ZNF420: variants seen among roughly 807,000 people sequenced by gnomAD.
ZNF420 encodes the protein zinc finger protein 420.
ZNF420 carries 31 observed loss-of-function variants against 44.7 expected under a neutral mutation model. The ratio of observed to expected loss-of-function variants is 0.69; its 90% CI spans 0.52 to 0.94. The LOEUF is 0.94. ZNF420 is among the 40% of genes least tolerant of loss of function. ZNF420 has a pLI of 0.00. For missense variants in ZNF420, 681 were observed against 827.9 expected, an observed-to-expected ratio of 0.82 and a Z score of 2.18; for synonymous variants, 245 against 267.4, an observed-to-expected ratio of 0.92 and a Z score of 0.82.
At chr19:37,126,576 G>C (rs1308759357) in intron 4 of ZNF420, among the ~76,000 whole-genome samples, 11 of 152,162 alleles carry the variant, frequency 7.2e-5, no homozygotes, top group African/African-American at 2.7e-4. Flanking sequence ...TAAAATTACA[G>C]ATCTCCAGGA....
intron 1 of ZNF420, among the ~76,000 whole-genome samples, chr19:37,057,233 G>A (rs532071194): frequency 6.6e-6 from 1 of 152,244 alleles, no homozygotes; most frequent in Non-Finnish European, 1.5e-5. Context: ...AGGGGAAGCA[G>A]TGCGGCATCC....
At chr19:37,100,236 C>T (rs986923297) in intron 4 of ZNF420, among the ~76,000 whole-genome samples, 7 of 152,090 alleles carry the variant, frequency 4.6e-5, no homozygotes, top group African/African-American at 1.2e-4. Flanking sequence ...TGTTCTTGGC[C>T]TTCTTGTTGA....
rs542703896 is a variant in ZNF420 at position 37,114,152 on chromosome 19, G to C, written c.137-12976G>C. ...AATTGCCATGCCTCGGTATCTCCTT[G>C]TTTTCTTGCCTTATCAATAATTTTA... On this transcript the variant is annotated intron_variant, in intron 4 of 4. Coordinates refer to ENST00000337995, the MANE Select transcript of ZNF420 (RefSeq NM_144689.5). Among the ~76,000 whole-genome samples, 44 of 152,222 alleles carry C rather than the reference G, an allele frequency of 2.9e-4. 1 individual carries two copies. In the South Asian group the frequency reaches 9.1e-3, roughly 32 times the overall value.
At chr19:37,033,593 C>T (rs1191374940) in intron 1 of ZNF420, among the ~76,000 whole-genome samples, 1 of 152,132 alleles carries the variant, frequency 6.6e-6, no homozygotes, top group Admixed American at 6.5e-5. Context: ...TTTTGTTTAT[C>T]CATTCCTCTG....
intron 1 of ZNF420, among the ~76,000 whole-genome samples, chr19:37,033,624 T>C (rs1967302344): frequency 1.3e-5 from 2 of 152,364 alleles, no homozygotes; most frequent in South Asian, 4.1e-4. Context: ...CTTCCACCTT[T>C]TGGCTATCAT....
At chr19:37,119,338 C>A (rs1325445101) in intron 4 of ZNF420, among the ~76,000 whole-genome samples, 1 of 152,194 alleles carries the variant, frequency 6.6e-6, no homozygotes, top group African/African-American at 2.4e-5. Context: ...CACTCCACTA[C>A]ATGGAAACTG....
Position 37,129,975 on chromosome 19 carries a change from T to C in ZNF420, c.*917T>C, listed in dbSNP as rs1469178131. The C allele has an allele frequency of 1.4e-6, 2 of 1,450,352 alleles. No homozygotes were observed. The highest frequency in any genetic ancestry group is 9.1e-7 in the Non-Finnish European group (1 of 1,100,152). The allele number at this position is 1,450,352 out of a possible 1,614,324, so 89.8% of individuals were successfully genotyped here. On this transcript the variant is annotated 3_prime_UTR_variant, in exon 5 of 5. Coordinates refer to ENST00000337995, the MANE Select transcript of ZNF420 (RefSeq NM_144689.5). The stretch of plus-strand genomic sequence containing the variant: ...TGAGAGTTTGTGATACAGACTGCTT[T>C]TTTCCTACCCTATATCTATTTTCTC...
intron 1 of ZNF420, among the ~76,000 whole-genome samples, chr19:37,021,826 A>C (rs985375619): frequency 1.3e-5 from 2 of 150,934 alleles, no homozygotes; most frequent in Admixed American, 6.6e-5. Context: ...AGTCCCAGCT[A>C]CTCGGGAGGC....
intron 1 of ZNF420, among the ~76,000 whole-genome samples, chr19:37,025,563 A>G (rs1172960820): frequency 6.6e-6 from 1 of 151,966 alleles, no homozygotes; most frequent in East Asian, 1.9e-4. Flanking sequence ...ACATTATTAC[A>G]CTACCTATCA....
In ZNF420 at chr19:37,010,550, TTCTC is replaced by T. The variant is rs371205349; in HGVS notation, c.-125+2476_-125+2479del. Among the ~76,000 whole-genome samples the T allele has an allele frequency of 1.8e-3, 269 of 151,878 alleles. 1 individual carries two copies. Among genetic ancestry groups the T allele is most frequent in the African/African-American group, 3.9e-3 (163 of 41,322 alleles). Reference sequence around the variant, plus strand: ...CTCTCTTCTCTCTCTGTCACTCTGTTTCTCTCTCTCTGTCTGTGAGTGTGTGTGC... The same window carrying T: ...CTCTCTTCTCTCTCTGTCACTCTGTTTCTCTCTGTCTGTGAGTGTGTGTGC... On this transcript the variant is annotated intron_variant, in intron 1 of 4. Transcript: ENST00000587029.
chr19:37,010,160 C>T (rs529099344), intron 1 of ZNF420, among the ~76,000 whole-genome samples: 2 of 152,324 alleles, frequency 1.3e-5, no homozygotes, highest in African/African-American at 4.8e-5. Flanking sequence ...AAAGCAGGAG[C>T]CCTCCGTGGC....
intron 1 of ZNF420, among the ~76,000 whole-genome samples, chr19:37,043,269 G>T (rs1599612483): frequency 1.3e-5 from 2 of 152,280 alleles, no homozygotes; most frequent in Non-Finnish European, 2.9e-5. Flanking sequence ...CACAGTATCT[G>T]CAAAGTGTAA....
intron 1 of ZNF420, among the ~76,000 whole-genome samples, chr19:37,031,778 C>T (rs1165180689): frequency 6.6e-6 from 1 of 151,970 alleles, no homozygotes; most frequent in African/African-American, 2.4e-5. Context: ...TTTTTATGTG[C>T]CTAAAGTCTG....
chr19:37,081,505 A>ATT (rs34091203), intron 2 of ZNF420, among the ~76,000 whole-genome samples: 5,300 of 135,360 alleles, frequency 0.039, 387 homozygotes, highest in African/African-American at 0.13. Context: ...TGCTTCATGT[A>ATT]TTTTTTTTTT....
At chr19:37,023,288 T>C (rs910280409) in intron 1 of ZNF420, among the ~76,000 whole-genome samples, 3 of 152,226 alleles carry the variant, frequency 2.0e-5, no homozygotes, top group Non-Finnish European at 4.4e-5. Context: ...TGCTTTCCTA[T>C]ATCCTCTCAA....
intron 1 of ZNF420, among the ~76,000 whole-genome samples, chr19:37,059,183 C>T (rs1056572808): frequency 5.9e-5 from 9 of 152,190 alleles, no homozygotes; most frequent in Admixed American, 5.2e-4. Flanking sequence ...GACAGGACTC[C>T]TGGGGGTTTG....
intron 1 of ZNF420, among the ~76,000 whole-genome samples, chr19:37,036,888 T>C (rs1252964438): frequency 6.6e-6 from 1 of 152,332 alleles, no homozygotes; most frequent in East Asian, 1.9e-4. Context: ...CTTTGATAAA[T>C]ATACCGCCAT....
intron 4 of ZNF420, among the ~76,000 whole-genome samples, chr19:37,097,045 C>G (rs1324126468): frequency 6.6e-6 from 1 of 151,840 alleles, no homozygotes; most frequent in African/African-American, 2.4e-5. Flanking sequence ...ACTACAGGCA[C>G]CTGCCACCAC....
At chr19:37,050,505 T>C (rs912225300) in intron 1 of ZNF420, among the ~76,000 whole-genome samples, 6 of 152,158 alleles carry the variant, frequency 3.9e-5, no homozygotes, top group Non-Finnish European at 7.4e-5. Flanking sequence ...ACTCATGATT[T>C]GGCTCTGTTT....
Sources: gnomAD v4.1 joint callset for allele counts (sites outside exome capture counted in the v4.1 genomes callset) on GRCh38, gnomAD v4.1.1 for gene constraint, MANE v1.5 for transcripts, NCBI Gene and HGNC (gene_info 2026-07-23, HGNC 2026-07-21) for gene names.